The following BAIAP2 variants were observed in gnomAD, a reference collection of about 807,000 sequenced individuals.
BAIAP2 encodes the protein BAR/IMD domain-containing adapter protein 2.
Under a neutral mutation model 63.0 loss-of-function variants are expected in BAIAP2, and 18 were observed. The observed-to-expected ratio is 0.29, with a 90% CI of 0.20 to 0.42. BAIAP2 has a LOEUF of 0.42. BAIAP2 is among the 10% of genes least tolerant of loss of function. The pLI, the probability that BAIAP2 is intolerant of heterozygous loss-of-function variation, is 1.00. For synonymous variants in BAIAP2, 386 were observed against 307.6 expected (o/e 1.25, Z -2.67); for missense variants, 610 against 734.3 (o/e 0.83, Z 1.96).
chr17:81,116,740 G>A lies in BAIAP2; in HGVS notation c.*901G>A. On this transcript the variant is annotated 3_prime_UTR_variant, in exon 14 of 14. Coordinates refer to ENST00000428708, the MANE Select transcript of BAIAP2 (RefSeq NM_001144888.2). Reference sequence around the variant, plus strand: ...TAGCAGATTTGTGCTCTTCCATACTGTTTGTTTGTTTGTTAGGTGAAATAC... The same window carrying A: ...TAGCAGATTTGTGCTCTTCCATACTATTTGTTTGTTTGTTAGGTGAAATAC... 1 of 191,404 alleles carries A rather than the reference G, an allele frequency of 5.2e-6. No individual in the cohort carries two copies. Among genetic ancestry groups the A allele is most frequent in the South Asian group, 1.1e-4 (1 of 9,026 alleles). The allele number at this position is 191,404 out of a possible 1,614,324, so 11.9% of individuals were successfully genotyped here. A position where few individuals can be genotyped will look rare whatever the true frequency, so the allele number is the denominator to read the frequency against.
At chr17:81,075,949 T>C (rs2053594688) in intron 3 of BAIAP2, among the ~76,000 whole-genome samples, 2 of 151,824 alleles carry the variant, frequency 1.3e-5, no homozygotes, top group Non-Finnish European at 2.9e-5. Context: ...TTTTTTTTTT[T>C]TTTGTAGTGG....
intron 7 of BAIAP2, among the ~76,000 whole-genome samples, chr17:81,101,582 C>A (rs1033075004): frequency 6.6e-6 from 1 of 152,186 alleles, no homozygotes; most frequent in African/African-American, 2.4e-5. Context: ...ACGGGCTATA[C>A]CTTGACACTT....
intron 1 of BAIAP2, among the ~76,000 whole-genome samples, chr17:81,041,748 A>C (rs911004094): frequency 6.6e-5 from 10 of 151,394 alleles, no homozygotes; most frequent in Non-Finnish European, 1.3e-4. Context: ...CTAATTTTAT[A>C]TTTAGTAGAG....
Position 81,106,074 on chromosome 17 carries a change from C to T in BAIAP2, c.1269-4C>T. 6.4e-7 allele frequency: 1 copy of T among 1,572,072 alleles called. No individual in the cohort carries two copies. Among genetic ancestry groups the T allele is most frequent in the Non-Finnish European group, 8.6e-7 (1 of 1,158,322 alleles). On this transcript the variant is annotated splice_polypyrimidine_tract_variant and splice_region_variant and intron_variant, in intron 10 of 13. Coordinates refer to ENST00000428708, the MANE Select transcript of BAIAP2 (RefSeq NM_001144888.2). ...GTGGCTCTTACCTGGGGCCTCTCTTCCAGGCGGGGCTGGTTTCCCTTCTCC... is the reference window on the plus strand; with the variant it reads ...GTGGCTCTTACCTGGGGCCTCTCTTTCAGGCGGGGCTGGTTTCCCTTCTCC...
chr17:81,091,258 A>G (rs1250313399), intron 6 of BAIAP2, among the ~76,000 whole-genome samples: 2 of 142,310 alleles, frequency 1.4e-5, no homozygotes, highest in East Asian at 2.1e-4. Context: ...CGCGGGGTCT[A>G]CTGTCCTGGG....
At chr17:81,071,817 C>T (rs932915964) in intron 3 of BAIAP2, among the ~76,000 whole-genome samples, 2 of 152,248 alleles carry the variant, frequency 1.3e-5, no homozygotes, top group Admixed American at 6.5e-5. Flanking sequence ...AGGAGGCAGC[C>T]GAGAATTGGA....
chr17:81,069,853 G>A (rs915406091), intron 3 of BAIAP2, among the ~76,000 whole-genome samples: 5 of 152,218 alleles, frequency 3.3e-5, no homozygotes, highest in African/African-American at 7.2e-5. Flanking sequence ...ATGCTGTGCC[G>A]TGGGACCTGA....
In BAIAP2 at chr17:81,103,964, G is replaced by A. The variant is rs750460687; in HGVS notation, c.922G>A (p.Glu308Lys). The change falls in exon 9 of 14, where the codon GAG becomes AAG. Residue 308 changes from glutamate to lysine, a missense_variant. Physicochemically the swap from Glu to Lys is moderately conservative, Grantham distance 56 (BLOSUM62 1). Coordinates refer to ENST00000428708, the MANE Select transcript of BAIAP2 (RefSeq NM_001144888.2). ...GAACGGCGTCACAGGCCCGGATGGC[G>A]AGGACTACAGCCCGTGGGCTGACCG... Reference protein sequence around the residue: ...IMNGVTGPDGEDYSPWADRKA... With the variant: ...IMNGVTGPDGKDYSPWADRKA... 8 of 1,612,962 alleles carry A rather than the reference G, an allele frequency of 5.0e-6. No homozygotes were observed. The highest frequency in any genetic ancestry group is 3.3e-5 in the South Asian group (3 of 91,092).
intron 6 of BAIAP2, among the ~76,000 whole-genome samples, chr17:81,092,372 G>A (rs967694149): frequency 6.6e-6 from 1 of 152,232 alleles, no homozygotes; most frequent in Non-Finnish European, 1.5e-5. Flanking sequence ...TTCAGCCTGA[G>A]CTGAAACAGG....
At chr17:81,091,762 GTGAGTAGCAGAGAAGCAGA>G (rs2056814777) in intron 6 of BAIAP2, among the ~76,000 whole-genome samples, 1 of 152,236 alleles carries the variant, frequency 6.6e-6, no homozygotes, top group Non-Finnish European at 1.5e-5. Context: ...AGCCAGGGGC[GTGAGTAGCAGAGAAGCAGA>G]TGCCTCCCTG....
intron 1 of BAIAP2, among the ~76,000 whole-genome samples, chr17:81,042,125 T>C (rs1252652808): frequency 1.4e-5 from 2 of 143,448 alleles, no homozygotes; most frequent in Admixed American, 7.4e-5. Context: ...GGCACTTTTT[T>C]TTTTCTTTTC....
rs556075320 is a variant in BAIAP2, at chr17:81,057,798, C to T, written c.131-83C>T. 1.3e-3 allele frequency: 1,903 copies of T among 1,520,562 alleles called. 4 individuals carry two copies. Among genetic ancestry groups the T allele is most frequent in the Admixed American group, 3.7e-3 (192 of 51,302 alleles). The allele number at this position is 1,520,562 out of a possible 1,614,324, so 94.2% of individuals were successfully genotyped here. A position where few individuals can be genotyped will look rare whatever the true frequency, so the allele number is the denominator to read the frequency against. ...GGCAGGAGACAGGGTTGGGCCTGTG[C>T]GTGCCAAGACTGCCGTGTTTTTGCT... is the stretch of plus-strand genomic sequence containing the variant. On this transcript the variant is annotated intron_variant, in intron 2 of 13. Transcript: ENST00000428708.
chr17:81,074,856 G>T (rs1004654134), intron 3 of BAIAP2, among the ~76,000 whole-genome samples: 2 of 152,240 alleles, frequency 1.3e-5, no homozygotes, highest in Non-Finnish European at 2.9e-5. Context: ...GTGGTGAAGC[G>T]ATTGTGGCAA....
intron 3 of BAIAP2, among the ~76,000 whole-genome samples, chr17:81,062,824 A>G (rs1454968458): frequency 6.6e-6 from 1 of 151,190 alleles, no homozygotes; most frequent in African/African-American, 2.4e-5. Flanking sequence ...CTGTGTTCAG[A>G]GTCTGAGGGC....
intron 3 of BAIAP2, among the ~76,000 whole-genome samples, chr17:81,068,470 T>C (rs2051926919): frequency 6.6e-6 from 1 of 152,184 alleles, no homozygotes; most frequent in Non-Finnish European, 1.5e-5. Context: ...CGGGTGTTCT[T>C]TTGGCCCCAG....
rs77857359 is a variant in BAIAP2 at position 81,068,228 on chromosome 17, C to T, written c.217+10261C>T. ...TGTTTGCATCTTGTAGGGTTTGGAG[C>T]GAGTCAGTGGCTGAGAAACTCTCTC... is the stretch of plus-strand genomic sequence containing the variant. On this transcript the variant is annotated intron_variant, in intron 3 of 13. Coordinates refer to ENST00000428708, the MANE Select transcript of BAIAP2 (RefSeq NM_001144888.2). 5.0e-3 allele frequency among the ~76,000 whole-genome samples: 766 copies of T among 152,324 alleles called. 6 individuals are homozygous for T. Among genetic ancestry groups the T allele is most frequent in the African/African-American group, 0.017 (700 of 41,568 alleles).
chr17:81,040,550 G>A (rs11651035), intron 1 of BAIAP2, among the ~76,000 whole-genome samples: 39,310 of 152,342 alleles, frequency 0.26, 5,320 homozygotes, highest in Non-Finnish European at 0.29. Context: ...TCCTGCCCAC[G>A]GATTCCTCCT....
Position 81,046,231 on chromosome 17 carries a change from C to T in BAIAP2, c.55-7437C>T, listed in dbSNP as rs943967948. Among the ~76,000 whole-genome samples, 1 of 152,140 alleles carries T rather than the reference C, an allele frequency of 6.6e-6. No individual in the cohort carries two copies. Among genetic ancestry groups the T allele is most frequent in the Non-Finnish European group, 1.5e-5 (1 of 68,012 alleles). Reference sequence around the variant, plus strand: ...TTCAGGCCCCCGTCCTAACCCTGCGCGCCGTTTCCTCCCAGAAACTTCCAT... The same window carrying T: ...TTCAGGCCCCCGTCCTAACCCTGCGTGCCGTTTCCTCCCAGAAACTTCCAT... On this transcript the variant is annotated intron_variant, in intron 1 of 13. Transcript: ENST00000428708. This position sits in a 1 kb window ranked among gnomAD's most constrained non-coding sequence, Gnocchi z 4.5.
chr17:81,076,785 A>G (rs367628818), intron 3 of BAIAP2, among the ~76,000 whole-genome samples: 1 of 152,124 alleles, frequency 6.6e-6, no homozygotes. Flanking sequence ...CCTGGGCAAC[A>G]TAGTGAGACC....
Sources: gnomAD v4.1 joint callset for allele counts (sites outside exome capture counted in the v4.1 genomes callset) on GRCh38, gnomAD v4.1.1 for gene constraint, Gnocchi (gnomAD v3.1) non-coding constraint, MANE v1.5 for transcripts, NCBI Gene and HGNC (gene_info 2026-07-23, HGNC 2026-07-21) for gene names.